Variants in OTOG observed in about 807,000 individuals in gnomAD.
The protein encoded by OTOG is otogelin.
In OTOG, 296 loss-of-function variants were observed where a neutral mutation model predicts 313.8. That is an observed-to-expected ratio of 0.94 (90% CI 0.86 to 1.04). The LOEUF is 1.04. Among genes scored for constraint, OTOG ranks in the 50% least tolerant of loss-of-function variants. The pLI is 0.00. For synonymous variants in OTOG, 1,533 were observed against 1,554.9 expected (o/e 0.99, Z 0.33); for missense variants, 3,948 against 3,840.1 (o/e 1.03, Z -0.74).
intron 15 of OTOG, among the ~76,000 whole-genome samples, chr11:17,566,886 A>C (rs745310295): frequency 6.6e-6 from 1 of 152,144 alleles, no homozygotes; most frequent in African/African-American, 2.4e-5. Context: ...TTTTGTTATC[A>C]TCTACATTTC....
intron 39 of OTOG, among the ~76,000 whole-genome samples, chr11:17,624,803 C>T (rs1353084397): frequency 6.6e-6 from 1 of 151,978 alleles, no homozygotes; most frequent in Non-Finnish European, 1.5e-5. Context: ...GACAGTTTTT[C>T]CATTTGTTTG....
rs1371771393 is a variant in OTOG, at chr11:17,572,230, G to A, written c.2080+26G>A. The A allele has an allele frequency of 3.9e-6, 6 of 1,549,666 alleles. No homozygotes were observed. The Admixed American group carries it at 1.2e-4, about 30-fold the overall frequency. On this transcript the variant is annotated intron_variant, in intron 18 of 55. Coordinates refer to ENST00000399397, the MANE Select transcript of OTOG (RefSeq NM_001292063.2). The stretch of plus-strand genomic sequence containing the variant: ...GTGAGTTGGTGGGGGAAGAGGAGAG[G>A]CATGGTTGAGTGGGGTGGGGAGGAC...
In OTOG at chr11:17,605,853, G is replaced by A. The variant is rs543357221; in HGVS notation, c.3878-4G>A. 3.3e-6 allele frequency: 5 copies of A among 1,535,984 alleles called. No homozygotes were observed. In the East Asian group the frequency reaches 9.8e-5, roughly 30 times the overall value. ...ACTGACTCTCCCCATGTGGTTCTCT[G>A]CAGACCCAGATGTGGTGTCCCTGGA... On this transcript the variant is annotated splice_polypyrimidine_tract_variant and splice_region_variant and intron_variant, in intron 32 of 55. Transcript: ENST00000399397.
intron 14 of OTOG, among the ~76,000 whole-genome samples, 189 bp from the exon 15 acceptor site, chr11:17,561,473 C>A (rs1450385051): frequency 1.3e-5 from 2 of 152,238 alleles, no homozygotes; most frequent in East Asian, 3.9e-4. Flanking sequence ...CTGTACCTCT[C>A]TTCAAGGAGT....
chr11:17,626,502 ATGC>A (rs1366138397), intron 39 of OTOG, among the ~76,000 whole-genome samples: 1 of 152,194 alleles, frequency 6.6e-6, no homozygotes, highest in African/African-American at 2.4e-5. Flanking sequence ...CGCCAGTACC[ATGC>A]TGCTTTGGTT....
chr11:17,642,145 G>T lies in OTOG; in HGVS notation c.8314G>T (p.Ala2772Ser), dbSNP rs755063271. The part of the protein sequence containing the change: ...SLFLPGASWI[A>S]DCARHHCSST... ...CCTCCAGCCCGGGGCATCCTGGATC[G>T]CAGACTGCGCCCGCCACCACTGCAG... Residue 2772 changes from alanine (A) to serine (S), a missense_variant, in exon 53 of 56, where the codon GCA (alanine) becomes TCA (serine). By Grantham distance (99) the Ala-to-Ser change is moderately conservative (BLOSUM62 1). Transcript: ENST00000399397. 2 of 1,545,756 alleles carry T rather than the reference G, an allele frequency of 1.3e-6. No homozygotes were observed. The highest frequency in any genetic ancestry group is 2.7e-5 in the African/African-American group (2 of 72,908).
rs558734191 is a variant in OTOG, at chr11:17,611,353, T to G, written c.6053T>G (p.Leu2018Arg). The change falls in exon 36 of 56, where the codon CTG (leucine) becomes CGG (arginine). Residue 2018 changes from leucine to arginine, a missense_variant. Transcript: ENST00000399397. ...CCATCTGGGCGCTCAGCCCCAGCCCTGAGCATCGTAGAGGGTTTGGCGGAG... is the reference window on the plus strand; with the variant it reads ...CCATCTGGGCGCTCAGCCCCAGCCCGGAGCATCGTAGAGGGTTTGGCGGAG... ...TEPSGRSAPALSIVEGLAEAL... is the reference protein window; with the variant it reads ...TEPSGRSAPARSIVEGLAEAL... 3 of 1,549,670 alleles carry G rather than the reference T, an allele frequency of 1.9e-6. No individual in the cohort carries two copies. The East Asian group carries it at 7.3e-5, about 38-fold the overall frequency.
chr11:17,638,419 C>G, intron 47 of OTOG, 32 bp from the exon 48 acceptor site: 1 of 1,510,128 alleles, frequency 6.6e-7, no homozygotes, highest in Non-Finnish European at 8.9e-7. Context: ...GTGCCTGTGA[C>G]TGACGTGTCA....
At chr11:17,585,772 A>T (rs1204696029) in intron 23 of OTOG, among the ~76,000 whole-genome samples, 1 of 151,724 alleles carries the variant, frequency 6.6e-6, no homozygotes, top group East Asian at 1.9e-4. Context: ...CTAACAAGGG[A>T]CTCCTTTGAG....
chr11:17,594,687 G>A (rs1375091870), intron 28 of OTOG, among the ~76,000 whole-genome samples: 3 of 152,218 alleles, frequency 2.0e-5, no homozygotes, highest in Admixed American at 6.5e-5. Flanking sequence ...GACAGTCTGC[G>A]AGATGTCTAA....
chr11:17,579,104 C>T (rs984231629), intron 23 of OTOG, among the ~76,000 whole-genome samples: 2 of 152,208 alleles, frequency 1.3e-5, no homozygotes, highest in Non-Finnish European at 2.9e-5. Flanking sequence ...CCGACGTGGC[C>T]CAGGGCCTGA....
At chr11:17,642,783 A>T (rs1270282063) in intron 53 of OTOG, among the ~76,000 whole-genome samples, 3 of 152,178 alleles carry the variant, frequency 2.0e-5, no homozygotes, top group Non-Finnish European at 4.4e-5. Flanking sequence ...TGAGATTAAT[A>T]GTGGACATTT....
Position 17,553,416 on chromosome 11 carries a change from A to G in OTOG, c.437A>G (p.His146Arg). 1 of 1,472,544 alleles carries G rather than the reference A, an allele frequency of 6.8e-7. No homozygotes were observed. Among genetic ancestry groups the G allele is most frequent in the Non-Finnish European group, 9.0e-7 (1 of 1,109,424 alleles). 91.2% of individuals were successfully genotyped at this position (1,472,544 alleles called of 1,614,324 possible). ...AGCATTTGCCGGGCGTGGGGGCAGC[A>G]CCACGTGGAGACATTTGATGGGCTC... The part of the protein sequence containing the change: ...RDSICRAWGQ[H>R]HVETFDGLYY... Residue 146 changes from histidine (H) to arginine (R), a missense_variant, in exon 6 of 56, where the codon CAC becomes CGC. Coordinates refer to ENST00000399397, the MANE Select transcript of OTOG (RefSeq NM_001292063.2).
chr11:17,629,562 C>T (rs1483940430), intron 40 of OTOG, among the ~76,000 whole-genome samples: 1 of 152,218 alleles, frequency 6.6e-6, no homozygotes, highest in African/African-American at 2.4e-5. Context: ...GTCAGCTTCC[C>T]TGACAGCCTT....
At chr11:17,553,062 C>T in intron 4 of OTOG, 57 bp from the exon 5 acceptor site, 1 of 1,510,296 alleles carries the variant, frequency 6.6e-7, no homozygotes, top group Non-Finnish European at 9.0e-7. Context: ...AGGGCTGCCT[C>T]CCTGGGTTCT....
rs190740545 is a variant in OTOG at position 17,644,484 on chromosome 11, G to A, written c.8461+978G>A. The stretch of plus-strand genomic sequence containing the variant: ...CGTACCTGGCAAATATTTGTGGAGC[G>A]CCAACTATGTGCCAGACACTGTTCT... On this transcript the variant is annotated intron_variant, in intron 54 of 55. Transcript: ENST00000399397. 1.4e-3 allele frequency among the ~76,000 whole-genome samples: 208 copies of A among 152,334 alleles called. 2 individuals carry two copies. The highest frequency in any genetic ancestry group is 4.8e-3 in the African/African-American group (198 of 41,574).
chr11:17,582,131 A>G (rs553060275), intron 23 of OTOG, among the ~76,000 whole-genome samples: 108 of 152,332 alleles, frequency 7.1e-4, no homozygotes, highest in Non-Finnish European at 1.1e-3. Flanking sequence ...ACATCTATGT[A>G]TATATCATCA....
intron 19 of OTOG, among the ~76,000 whole-genome samples, chr11:17,573,543 C>T (rs909529168): frequency 1.3e-5 from 2 of 152,220 alleles, no homozygotes; most frequent in African/African-American, 4.8e-5. Flanking sequence ...ATCTCAAGTC[C>T]TGTCAGTCCT....
chr11:17,632,839 A>C (rs72871849), intron 42 of OTOG, among the ~76,000 whole-genome samples: 20,847 of 152,134 alleles, frequency 0.14, 1,573 homozygotes, highest in Non-Finnish European at 0.18. Context: ...GGAAGTCCAC[A>C]CCCACAATAT....
Sources: gnomAD v4.1 joint callset for allele counts (sites outside exome capture counted in the v4.1 genomes callset) on GRCh38, gnomAD v4.1.1 for gene constraint, MANE v1.5 for transcripts, NCBI Gene and HGNC (gene_info 2026-07-23, HGNC 2026-07-21) for gene names.